UBR2: variants seen among roughly 807,000 people sequenced by gnomAD.
UBR2 encodes ubiquitin protein ligase E3 component n-recognin 2.
A neutral mutation model predicts 247.9 loss-of-function variants in UBR2; 92 were observed. That is an observed-to-expected ratio of 0.37 (90% CI 0.31 to 0.44). The LOEUF is 0.44. Ranked by LOEUF, UBR2 falls within the 20% of genes least tolerant of loss-of-function variation. UBR2 has a pLI of 1.00. For synonymous variants in UBR2, 672 were observed against 693.5 expected (o/e 0.97, Z 0.49); for missense variants, 1,613 against 2,112.6 (o/e 0.76, Z 4.64).
chr6:42,690,610 T>C (rs879422350), intron 46 of UBR2, among the ~76,000 whole-genome samples: 9 of 152,244 alleles, frequency 5.9e-5, no homozygotes, highest in Non-Finnish European at 1.2e-4. Flanking sequence ...TTTTCTTTTT[T>C]CTTTGCACTC....
At chr6:42,642,569 C>A in intron 18 of UBR2, 88 bp downstream of exon 18, 1 of 1,100,366 alleles carries the variant, frequency 9.1e-7, no homozygotes, top group Non-Finnish European at 1.3e-6. Flanking sequence ...TGTGATCACT[C>A]CCAAATCTAC....
intron 26 of UBR2, among the ~76,000 whole-genome samples, chr6:42,656,891 G>C (rs1461981274): frequency 2.6e-5 from 4 of 151,904 alleles, no homozygotes; most frequent in Non-Finnish European, 5.9e-5. Flanking sequence ...GTTTATTTTA[G>C]AATAACCACA....
At chr6:42,643,683 T>C (rs1796579095) in intron 18 of UBR2, among the ~76,000 whole-genome samples, 1 of 152,182 alleles carries the variant, frequency 6.6e-6, no homozygotes. Flanking sequence ...ATTTATAATT[T>C]ATACAAATGG....
chr6:42,580,385 T>G (rs1791802184), intron 2 of UBR2, among the ~76,000 whole-genome samples: 2 of 152,226 alleles, frequency 1.3e-5, no homozygotes, highest in Non-Finnish European at 2.9e-5. Flanking sequence ...TTTGCCTAGA[T>G]GGTAAGAAAT....
chr6:42,622,141 G>A (rs528306184), intron 11 of UBR2, among the ~76,000 whole-genome samples: 78 of 151,772 alleles, frequency 5.1e-4, no homozygotes, highest in African/African-American at 1.8e-3. Flanking sequence ...TTAGCCTCCC[G>A]AGTAGCTGGG....
intron 25 of UBR2, among the ~76,000 whole-genome samples, chr6:42,654,230 C>G (rs183012805): frequency 1.3e-5 from 2 of 152,150 alleles, no homozygotes; most frequent in Non-Finnish European, 2.9e-5. Context: ...ACTACTAGTA[C>G]AGCTGTACTA....
rs757152632 is a variant in UBR2, at chr6:42,609,734, T to A, written c.865-2437T>A. Among the ~76,000 whole-genome samples the A allele has an allele frequency of 1.7e-4, 25 of 147,024 alleles. No individual in the cohort carries two copies. The South Asian group carries it at 3.7e-3, about 22-fold the overall frequency. On this transcript the variant is annotated intron_variant, in intron 7 of 46. Transcript: ENST00000372901. ...ATCCCATTCCTACAAAAAAAAAAAA[T>A]AATAACAAAAATTAGCCAGGCGTGG...
intron 34 of UBR2, among the ~76,000 whole-genome samples, chr6:42,667,078 A>G (rs1319168704): frequency 1.3e-5 from 2 of 152,176 alleles, no homozygotes; most frequent in African/African-American, 2.4e-5. Flanking sequence ...CATCATGCCT[A>G]TAATCCCAGG....
chr6:42,578,033 A>T (rs931497717), intron 2 of UBR2, among the ~76,000 whole-genome samples: 1 of 152,184 alleles, frequency 6.6e-6, no homozygotes, highest in African/African-American at 2.4e-5. Context: ...GATATCCATC[A>T]CTTTGAACAT....
chr6:42,625,907 G>A (rs540429305), intron 11 of UBR2, among the ~76,000 whole-genome samples: 9 of 149,030 alleles, frequency 6.0e-5, no homozygotes, highest in Admixed American at 3.3e-4. Flanking sequence ...TCCGCCTCCC[G>A]GGTTCACGCC....
chr6:42,574,822 A>G (rs576585331), intron 2 of UBR2, among the ~76,000 whole-genome samples: 1 of 151,780 alleles, frequency 6.6e-6, no homozygotes, highest in African/African-American at 2.4e-5. Context: ...CAGCCTCCCA[A>G]CTGGCTGGGA....
chr6:42,643,823 G>A (rs536994750), intron 18 of UBR2, among the ~76,000 whole-genome samples: 2 of 152,076 alleles, frequency 1.3e-5, no homozygotes, highest in South Asian at 2.1e-4. Context: ...ATACTAGAAG[G>A]TTACTTAATA....
chr6:42,580,594 C>T (rs1791819212), intron 2 of UBR2, among the ~76,000 whole-genome samples: 1 of 151,772 alleles, frequency 6.6e-6, no homozygotes, highest in South Asian at 2.1e-4. Context: ...GGCTGGAGTG[C>T]AGGGGCACGA....
intron 34 of UBR2, among the ~76,000 whole-genome samples, chr6:42,668,784 A>G (rs1798265724): frequency 6.6e-6 from 1 of 152,042 alleles, no homozygotes; most frequent in South Asian, 2.1e-4. Flanking sequence ...TATGTTGTCC[A>G]GGTTGGCCTT....
In UBR2 at chr6:42,691,374, TATA is replaced by T; in HGVS notation, c.*204_*206del. On this transcript the variant is annotated 3_prime_UTR_variant, in exon 47 of 47. Coordinates refer to ENST00000372901, the MANE Select transcript of UBR2 (RefSeq NM_001363705.2). ...TGCACTGTTTGCTGTGCCCCTCAAA[TATA>T]ATGTCTTGGGTTTTAAGATCGAGCA... 1 of 664,388 alleles carries T rather than the reference TATA, an allele frequency of 1.5e-6. No homozygotes were observed. Among genetic ancestry groups the T allele is most frequent in the Non-Finnish European group, 2.5e-6 (1 of 405,738 alleles). 41.2% of individuals were successfully genotyped at this position (664,388 alleles called of 1,614,324 possible). A position where few individuals can be genotyped will look rare whatever the true frequency, so the allele number is the denominator to read the frequency against.
intron 2 of UBR2, among the ~76,000 whole-genome samples, chr6:42,580,152 A>G (rs1444758853): frequency 6.6e-6 from 1 of 152,086 alleles, no homozygotes; most frequent in Admixed American, 6.6e-5. Context: ...TTAATTCTGT[A>G]CGTTATCATG....
chr6:42,685,468 A>ATT (rs35244800), intron 44 of UBR2, among the ~76,000 whole-genome samples: 57 of 144,938 alleles, frequency 3.9e-4, no homozygotes, highest in Admixed American at 1.2e-3. Context: ...GCCCTTAGTA[A>ATT]TTTTTTTTTT....
intron 7 of UBR2, among the ~76,000 whole-genome samples, chr6:42,609,084 C>T (rs1179822372): frequency 1.3e-5 from 2 of 152,116 alleles, no homozygotes; most frequent in Non-Finnish European, 2.9e-5. Flanking sequence ...GGTCAATATA[C>T]ATGAAGTTAG....
chr6:42,632,477 G>A, intron 11 of UBR2, 75 bp from the exon 12 acceptor site: 1 of 1,343,558 alleles, frequency 7.4e-7, no homozygotes, highest in Non-Finnish European at 9.8e-7. Context: ...GCTAAACAAT[G>A]TTGGTGACTT....
Sources: allele counts gnomAD v4.1 joint callset (sites outside exome capture counted in the v4.1 genomes callset), GRCh38; gene constraint gnomAD v4.1.1; transcripts MANE v1.5; gene names NCBI Gene and HGNC (gene_info 2026-07-23, HGNC 2026-07-21).